ZEB2: variants seen among roughly 807,000 people sequenced by gnomAD.
ZEB2 encodes the protein zinc finger E-box-binding homeobox 2.
A neutral mutation model predicts 99.9 loss-of-function variants in ZEB2; 6 were observed. The ratio of observed to expected loss-of-function variants is 0.06; its 90% CI spans 0.03 to 0.12. The LOEUF is 0.12. Among genes scored for constraint, ZEB2 ranks in the 10% least tolerant of loss-of-function variants. The pLI, the probability that ZEB2 is intolerant of heterozygous loss-of-function variation, is 1.00. For missense variants in ZEB2, 969 were observed against 1,502.8 expected, an observed-to-expected ratio of 0.64 and a Z score of 5.87; for synonymous variants, 517 against 542.5, an observed-to-expected ratio of 0.95 and a Z score of 0.65.
intron 6 of ZEB2, among the ~76,000 whole-genome samples, chr2:144,403,136 C>A (rs530384664): frequency 6.6e-6 from 1 of 152,300 alleles, no homozygotes; most frequent in Non-Finnish European, 1.5e-5. Flanking sequence ...CAGAGTCAAT[C>A]CTCCCAGTGG....
chr2:144,511,104 A>G (rs1395498354), intron 2 of ZEB2, among the ~76,000 whole-genome samples: 1 of 152,196 alleles, frequency 6.6e-6, no homozygotes, highest in Non-Finnish European at 1.5e-5. Flanking sequence ...AGATGACACA[A>G]GAGTTGGTAT....
intron 4 of ZEB2, among the ~76,000 whole-genome samples, chr2:144,412,947 T>C (rs1389214693): frequency 6.6e-6 from 1 of 152,200 alleles, no homozygotes; most frequent in Non-Finnish European, 1.5e-5. Flanking sequence ...TATGCAATAA[T>C]TGAATGATTA....
intron 5 of ZEB2, among the ~76,000 whole-genome samples, chr2:144,404,468 C>T (rs1371753168): frequency 6.6e-6 from 1 of 151,608 alleles, no homozygotes; most frequent in Non-Finnish European, 1.5e-5. Flanking sequence ...TACTCAGGAA[C>T]TCACAGTGTG....
At chr2:144,467,924 A>T (rs1169734098) in intron 2 of ZEB2, among the ~76,000 whole-genome samples, 1 of 152,178 alleles carries the variant, frequency 6.6e-6, no homozygotes, top group Non-Finnish European at 1.5e-5. Flanking sequence ...GCGCATTACG[A>T]TTTAACACAG....
intron 2 of ZEB2, among the ~76,000 whole-genome samples, chr2:144,498,440 TGAAGGAAATCCAG>T (rs1704821136): frequency 1.3e-5 from 2 of 151,758 alleles, no homozygotes; most frequent in Non-Finnish European, 2.9e-5. Context: ...TCACAGGTCC[TGAAGGAAATCCAG>T]GAAGCCATTC....
At chr2:144,427,327 G>C (rs142947941) in intron 3 of ZEB2, 1 of 152,150 alleles carries the variant, frequency 6.6e-6, no homozygotes, top group African/African-American at 2.4e-5. Flanking sequence ...TGCTGGAACC[G>C]GAAAGGCACA....
In ZEB2 at chr2:144,499,769, T is replaced by C. The variant is rs866820942; in HGVS notation, c.73+17509A>G. On this transcript the variant is annotated intron_variant, in intron 2 of 9. Transcript: ENST00000627532. ...TGTCTCTATTTTATTGATGGGAGCA[T>C]TTCACAGCCAACCAAATCTCCATTA... Among the ~76,000 whole-genome samples, 8 of 152,160 alleles carry C rather than the reference T, an allele frequency of 5.3e-5. No individual in the cohort carries two copies. In the South Asian group the frequency reaches 1.0e-3, roughly 20 times the overall value.
chr2:144,513,025 G>A (rs6740731), intron 2 of ZEB2: 238,226 of 1,286,982 alleles, frequency 0.19, 25,801 homozygotes, highest in East Asian at 0.4. Flanking sequence ...ACAGTGATCC[G>A]AAGGAAACTT....
chr2:144,450,783 C>A (rs1160707574), intron 2 of ZEB2, among the ~76,000 whole-genome samples: 2 of 152,196 alleles, frequency 1.3e-5, no homozygotes, highest in African/African-American at 2.4e-5. Context: ...TCAAGCAATT[C>A]TCCTGCCTCA....
chr2:144,412,215 G>A (rs1339668889), intron 4 of ZEB2, among the ~76,000 whole-genome samples: 2 of 152,238 alleles, frequency 1.3e-5, no homozygotes, highest in African/African-American at 4.8e-5. Context: ...GTTGCGGTGA[G>A]CCGAGATCGT....
intron 2 of ZEB2, among the ~76,000 whole-genome samples, chr2:144,499,867 T>G (rs1376833987): frequency 6.6e-5 from 10 of 152,144 alleles, no homozygotes; most frequent in Admixed American, 6.5e-4. Flanking sequence ...TTATATTTCT[T>G]AATCTAGGTC....
intron 2 of ZEB2, among the ~76,000 whole-genome samples, chr2:144,456,320 A>C (rs1704121387): frequency 6.6e-6 from 1 of 152,206 alleles, no homozygotes; most frequent in African/African-American, 2.4e-5. Flanking sequence ...ATGTAAGTAC[A>C]GTTGAGTGGA....
intron 2 of ZEB2, among the ~76,000 whole-genome samples, chr2:144,453,260 C>T (rs977558201): frequency 5.9e-5 from 9 of 152,244 alleles, no homozygotes; most frequent in Non-Finnish European, 1.2e-4. Context: ...GCCTCACAGA[C>T]TCTGTGAAGC....
At chr2:144,453,992 T>C (rs1704088052) in intron 2 of ZEB2, among the ~76,000 whole-genome samples, 2 of 152,204 alleles carry the variant, frequency 1.3e-5, no homozygotes, top group South Asian at 4.1e-4. Flanking sequence ...CCTAGGAATG[T>C]TGTGCTCACA....
intron 2 of ZEB2, among the ~76,000 whole-genome samples, chr2:144,443,599 A>G (rs1703946270): frequency 6.6e-6 from 1 of 152,220 alleles, no homozygotes; most frequent in South Asian, 2.1e-4. Flanking sequence ...GTAATTTGAT[A>G]GTGATTGTTT....
chr2:144,448,538 G>A (rs1704015586), intron 2 of ZEB2, among the ~76,000 whole-genome samples: 1 of 152,184 alleles, frequency 6.6e-6, no homozygotes, highest in African/African-American at 2.4e-5. Flanking sequence ...CAAGGTACAT[G>A]CTAAAAAGGG....
chr2:144,452,770 G>A (rs1449861072), intron 2 of ZEB2, among the ~76,000 whole-genome samples: 1 of 152,132 alleles, frequency 6.6e-6, no homozygotes, highest in African/African-American at 2.4e-5. Context: ...CCGCCAGGCA[G>A]CGAGAAGGGC....
At chr2:144,507,568 C>T (rs921641734) in intron 2 of ZEB2, 1 of 151,854 alleles carries the variant, frequency 6.6e-6, no homozygotes, top group African/African-American at 2.4e-5. Context: ...CGTTTGCTCC[C>T]CTTACACTCT....
chr2:144,480,844 T>C (rs918194150), intron 2 of ZEB2, among the ~76,000 whole-genome samples: 2 of 152,230 alleles, frequency 1.3e-5, no homozygotes, highest in African/African-American at 4.8e-5. Context: ...TGTTTCTTTT[T>C]TTAAAGGTGA....
Sources: allele counts gnomAD v4.1 joint callset (sites outside exome capture counted in the v4.1 genomes callset), GRCh38; gene constraint gnomAD v4.1.1; transcripts MANE v1.5; gene names NCBI Gene and HGNC (gene_info 2026-07-23, HGNC 2026-07-21).